ARPP21: variants seen among roughly 807,000 people sequenced by gnomAD.
ARPP21 encodes the protein cAMP-regulated phosphoprotein 21.
In ARPP21, 69 loss-of-function variants were observed where a neutral mutation model predicts 113.2. The observed-to-expected ratio is 0.61, with a 90% CI of 0.50 to 0.74. ARPP21 has a LOEUF of 0.74. Ranked by LOEUF, ARPP21 falls within the 30% of genes least tolerant of loss-of-function variation. The pLI, the probability that ARPP21 is intolerant of heterozygous loss-of-function variation, is 0.00. For synonymous variants in ARPP21, 368 were observed against 375.5 expected (o/e 0.98, Z 0.23); for missense variants, 1,070 against 1,037.4 (o/e 1.03, Z -0.43).
chr3:35,697,004 A>G (rs1161396914), intron 9 of ARPP21, among the ~76,000 whole-genome samples: 1 of 151,576 alleles, frequency 6.6e-6, no homozygotes, highest in Non-Finnish European at 1.5e-5. Context: ...AGAGTGTACC[A>G]TTGGAGACTA....
At chr3:35,744,033 T>C (rs2094851347) in intron 19 of ARPP21, 68 bp downstream of exon 19, 1 of 1,542,630 alleles carries the variant, frequency 6.5e-7, no homozygotes, top group African/African-American at 1.4e-5. Flanking sequence ...TTGTACTCTT[T>C]GGATGAGTGT....
chr3:35,716,911 C>T (rs2092483681), intron 12 of ARPP21, among the ~76,000 whole-genome samples: 1 of 152,000 alleles, frequency 6.6e-6, no homozygotes. Flanking sequence ...AAAATAAATA[C>T]ATTTCTTGGA....
intron 8 of ARPP21, 137 bp downstream of exon 8, chr3:35,690,277 T>C (rs1161577549): frequency 4.9e-6 from 3 of 615,352 alleles, no homozygotes; most frequent in Non-Finnish European, 8.8e-6. Flanking sequence ...AATGGAGACA[T>C]TATTGGAGTT....
intron 1 of ARPP21, among the ~76,000 whole-genome samples, chr3:35,668,909 C>T (rs969940372): frequency 2.0e-5 from 3 of 152,060 alleles, no homozygotes; most frequent in Non-Finnish European, 4.4e-5. Context: ...CAGACTTTAT[C>T]AAATACGGGG....
At chr3:35,745,766 T>C (rs2094998104) in intron 19 of ARPP21, among the ~76,000 whole-genome samples, 1 of 152,208 alleles carries the variant, frequency 6.6e-6, no homozygotes, top group African/African-American at 2.4e-5. Flanking sequence ...TTTTACTCTT[T>C]AATAAAGCAC....
intron 19 of ARPP21, among the ~76,000 whole-genome samples, chr3:35,777,349 C>T (rs1016091631): frequency 6.6e-6 from 1 of 152,166 alleles, no homozygotes. Context: ...AATTAACTTG[C>T]TCCCAGTTAA....
At chr3:35,641,426 TA>T (rs1401762704) in intron 1 of ARPP21, 1 of 152,222 alleles carries the variant, frequency 6.6e-6, no homozygotes, top group Non-Finnish European at 1.5e-5. Context: ...TTTCATTTGT[TA>T]AAAATCAGAA....
At chr3:35,654,813 G>A (rs1355024351) in intron 1 of ARPP21, among the ~76,000 whole-genome samples, 2 of 152,020 alleles carry the variant, frequency 1.3e-5, no homozygotes, top group Non-Finnish European at 2.9e-5. Flanking sequence ...AGCATAGTAG[G>A]TATAATAAAC....
chr3:35,737,285 C>G lies in ARPP21; in HGVS notation c.1567C>G (p.Gln523Glu). Residue 523 changes from glutamine (Q) to glutamate (E), a missense_variant, in exon 16 of 21, where the codon CAG becomes GAG. Gln to Glu is a conservative substitution (Grantham distance 29, BLOSUM62 2). Coordinates refer to ENST00000684406, the MANE Select transcript of ARPP21 (RefSeq NM_001385562.1). The stretch of plus-strand genomic sequence containing the variant: ...GGGGCAGTCCCAACAGCAGCCACCA[C>G]AGCAGCAGCCCTCCCCGCAGCCCCA... ...MVGQSQQQPP[Q>E]QQPSPQPQQQ... The G allele has an allele frequency of 6.2e-7, 1 of 1,612,804 alleles. No individual in the cohort carries two copies. The highest frequency in any genetic ancestry group is 8.5e-7 in the Non-Finnish European group (1 of 1,178,984).
At chr3:35,642,934 G>T (rs1698679146) in intron 1 of ARPP21, among the ~76,000 whole-genome samples, 1 of 152,006 alleles carries the variant, frequency 6.6e-6, no homozygotes, top group Non-Finnish European at 1.5e-5. Flanking sequence ...TCTTACTGAA[G>T]TCTAAATATT....
chr3:35,689,343 A>ACTT lies in ARPP21; in HGVS notation c.444_446dup (p.Asp148_Leu149insPhe). On this transcript the variant is annotated inframe_insertion, in exon 7 of 21. Coordinates refer to ENST00000684406, the MANE Select transcript of ARPP21 (RefSeq NM_001385562.1). ...GAATACACGGATTCTACAGGCATAG[A>ACTT]CTTACACGAGTTTCTGATTAACACA... is the stretch of plus-strand genomic sequence containing the variant. The ACTT allele has an allele frequency of 6.3e-7, 1 of 1,587,422 alleles. No individual in the cohort carries two copies.
chr3:35,773,815 A>G (rs2096275632), intron 19 of ARPP21, among the ~76,000 whole-genome samples: 1 of 152,184 alleles, frequency 6.6e-6, no homozygotes, highest in African/African-American at 2.4e-5. Flanking sequence ...TTAGTTAATA[A>G]TAAAACTAAT....
chr3:35,651,306 T>C (rs186778415), intron 1 of ARPP21, among the ~76,000 whole-genome samples: 3 of 152,208 alleles, frequency 2.0e-5, no homozygotes, highest in Non-Finnish European at 4.4e-5. Context: ...TCAAATACCT[T>C]GCTCTGAAAT....
At chr3:35,673,827 T>C (rs1206802647) in intron 1 of ARPP21, among the ~76,000 whole-genome samples, 1 of 152,014 alleles carries the variant, frequency 6.6e-6, no homozygotes, top group Non-Finnish European at 1.5e-5. Context: ...CAGATGCTTC[T>C]TTCACATCTT....
At chr3:35,748,467 AGAGAGAGG>A (rs778535503) in intron 19 of ARPP21, among the ~76,000 whole-genome samples, 8 of 150,630 alleles carry the variant, frequency 5.3e-5, no homozygotes, top group Admixed American at 2.0e-4. Context: ...AAAAAGAAAG[AGAGAGAGG>A]GAGAGAGGGA....
intron 19 of ARPP21, among the ~76,000 whole-genome samples, chr3:35,778,821 A>G (rs555518660): frequency 6.6e-6 from 1 of 152,328 alleles, no homozygotes; most frequent in African/African-American, 2.4e-5. Context: ...CACTTCACAA[A>G]GCACTGAGCC....
rs1476380355 is a variant in ARPP21 at position 35,691,197 on chromosome 3, A to G, written c.686+192A>G. Among the ~76,000 whole-genome samples, 3 of 151,816 alleles carry G rather than the reference A, an allele frequency of 2.0e-5. No individual in the cohort carries two copies. The East Asian group carries it at 5.9e-4, about 30-fold the overall frequency. On this transcript the variant is annotated intron_variant, in intron 9 of 20. Coordinates refer to ENST00000684406, the MANE Select transcript of ARPP21 (RefSeq NM_001385562.1). ...AGAACCAAGAAAGTTTATAAAATTC[A>G]GACAATAAAGTGGATTTATTTCCTG...
intron 1 of ARPP21, among the ~76,000 whole-genome samples, chr3:35,675,755 A>T (rs918058328): frequency 1.3e-5 from 2 of 151,734 alleles, no homozygotes; most frequent in African/African-American, 4.8e-5. Context: ...TCCACATTGG[A>T]TAGATAAATA....
intron 9 of ARPP21, among the ~76,000 whole-genome samples, chr3:35,694,746 A>C (rs1021822005): frequency 2.6e-5 from 4 of 151,096 alleles, no homozygotes; most frequent in African/African-American, 9.7e-5. Flanking sequence ...TGTCTGATAA[A>C]AAACAGTGAT....
Sources: gnomAD v4.1 joint callset for allele counts (sites outside exome capture counted in the v4.1 genomes callset) on GRCh38, gnomAD v4.1.1 for gene constraint, MANE v1.5 for transcripts, NCBI Gene and HGNC (gene_info 2026-07-23, HGNC 2026-07-21) for gene names.